The following STK31 variants were observed in gnomAD, a reference collection of about 807,000 sequenced individuals.
STK31 encodes serine/threonine kinase 31.
STK31 carries 89 observed loss-of-function variants against 129.7 expected under a neutral mutation model. The ratio of observed to expected loss-of-function variants is 0.69; its 90% CI spans 0.58 to 0.82. The LOEUF is 0.82. Among genes scored for constraint, STK31 ranks in the 40% least tolerant of loss-of-function variants. The pLI is 0.00. For synonymous variants in STK31, 448 were observed against 395.3 expected, an observed-to-expected ratio of 1.13 and a Z score of -1.58; for missense variants, 1,187 against 1,176.4, an observed-to-expected ratio of 1.01 and a Z score of -0.13.
In STK31 at chr7:23,727,313, A is replaced by C. The variant is rs1396966103; in HGVS notation, c.322A>C (p.Lys108Gln). The change falls in exon 5 of 24, where the codon AAG becomes CAG. Residue 108 changes from lysine to glutamine, a missense_variant and splice_region_variant. Physicochemically the swap from Lys to Gln is moderately conservative, Grantham distance 53. Coordinates refer to ENST00000355870, the MANE Select transcript of STK31 (RefSeq NM_031414.5). ...AGTACTGAAAATCATCAGCGTTGAAAAGGCAGGAAATTAAGTGTTCAGTTT... is the reference window on the plus strand; with the variant it reads ...AGTACTGAAAATCATCAGCGTTGAACAGGCAGGAAATTAAGTGTTCAGTTT... Reference protein sequence around the residue: ...CKVLKIISVEKCLVRYIDYGN... With the variant: ...CKVLKIISVEQCLVRYIDYGN... 2 of 1,613,466 alleles carry C rather than the reference A, an allele frequency of 1.2e-6. No individual in the cohort carries two copies. Among genetic ancestry groups the C allele is most frequent in the Non-Finnish European group, 1.7e-6 (2 of 1,179,642 alleles).
At chr7:23,818,617 G>C (rs1185595182) in intron 23 of STK31, among the ~76,000 whole-genome samples, 1 of 59,784 alleles carries the variant, frequency 1.7e-5, no homozygotes, top group Non-Finnish European at 3.1e-5. Flanking sequence ...TTTTTGTTTT[G>C]TTAAAAAAAA....
intron 10 of STK31, chr7:23,755,075 A>G (rs1047388227): frequency 6.6e-6 from 1 of 152,202 alleles, no homozygotes; most frequent in Non-Finnish European, 1.5e-5. Flanking sequence ...GAATCGCCAT[A>G]TCGTCTTCCA....
chr7:23,819,067 A>G (rs1194655066), intron 23 of STK31, among the ~76,000 whole-genome samples: 1 of 152,200 alleles, frequency 6.6e-6, no homozygotes, highest in Non-Finnish European at 1.5e-5. Context: ...AACTTAGGGA[A>G]AATTGTCCCA....
At chr7:23,763,111 T>C (rs1383482935) in intron 11 of STK31, among the ~76,000 whole-genome samples, 188 bp downstream of exon 11, 2 of 152,218 alleles carry the variant, frequency 1.3e-5, no homozygotes, top group Non-Finnish European at 2.9e-5. Flanking sequence ...TATGTTTATA[T>C]GCATATCTAT....
chr7:23,736,185 A>G (rs1013459036), intron 7 of STK31, among the ~76,000 whole-genome samples: 9 of 152,240 alleles, frequency 5.9e-5, no homozygotes, highest in Admixed American at 2.6e-4. Flanking sequence ...ATCTGCTCCT[A>G]AATCTGAATT....
rs1788787942 is a variant in STK31 at position 23,752,697 on chromosome 7, G to A, written c.1018-20G>A. 6.4e-7 allele frequency: 1 copy of A among 1,552,870 alleles called. No homozygotes were observed. Among genetic ancestry groups the A allele is most frequent in the African/African-American group, 1.4e-5 (1 of 73,620 alleles). ...TTTCCTATTTGGGTCTCACGAGAAT[G>A]TGTTTATTCTTTGTTTCAGCAAGAG... On this transcript the variant is annotated intron_variant, in intron 8 of 23. Coordinates refer to ENST00000355870, the MANE Select transcript of STK31 (RefSeq NM_031414.5).
intron 23 of STK31, among the ~76,000 whole-genome samples, chr7:23,826,056 G>C (rs1361397240): frequency 6.6e-6 from 1 of 152,136 alleles, no homozygotes; most frequent in Non-Finnish European, 1.5e-5. Flanking sequence ...GTGTGGTGCT[G>C]AAAAGAATGT....
chr7:23,821,922 G>A (rs1793806283), intron 23 of STK31, among the ~76,000 whole-genome samples: 1 of 152,008 alleles, frequency 6.6e-6, no homozygotes, highest in Non-Finnish European at 1.5e-5. Context: ...CTTTTCCCCA[G>A]TATATGTTCT....
intron 4 of STK31, among the ~76,000 whole-genome samples, chr7:23,723,206 T>C (rs1219148816): frequency 6.6e-6 from 1 of 152,170 alleles, no homozygotes; most frequent in Non-Finnish European, 1.5e-5. Flanking sequence ...GGAACCTCTC[T>C]CTCCTCTTTT....
chr7:23,733,640 C>T (rs1260807633), intron 6 of STK31, among the ~76,000 whole-genome samples: 2 of 151,938 alleles, frequency 1.3e-5, no homozygotes, highest in South Asian at 2.1e-4. Context: ...AACCCCATCT[C>T]TACTACAAAA....
rs147862942 is a variant in STK31, at chr7:23,825,388, A to T, written c.2830-6748A>T. Among the ~76,000 whole-genome samples, 510 of 152,282 alleles carry T rather than the reference A, an allele frequency of 3.3e-3. 6 individuals are homozygous for T. The highest frequency in any genetic ancestry group is 0.012 in the African/African-American group (486 of 41,550). On this transcript the variant is annotated intron_variant, in intron 23 of 23. Transcript: ENST00000355870. ...TAGATTTTCTAGTTTATTTGCGTAG[A>T]GGTGTTTATAGTATTCTCTGATGGT...
intron 15 of STK31, among the ~76,000 whole-genome samples, chr7:23,773,704 G>A (rs1442645827): frequency 6.7e-6 from 1 of 150,126 alleles, no homozygotes; most frequent in Admixed American, 6.7e-5. Context: ...TCCAGCATCT[G>A]TGGTTTCCTG....
intron 22 of STK31, chr7:23,791,400 C>T: frequency 1.5e-6 from 1 of 652,598 alleles, no homozygotes; most frequent in Non-Finnish European, 1.9e-6. Context: ...CATGTTCTCA[C>T]TTATAAGTGG....
chr7:23,809,365 T>C (rs1792939036), intron 22 of STK31, among the ~76,000 whole-genome samples: 1 of 152,104 alleles, frequency 6.6e-6, no homozygotes, highest in Admixed American at 6.6e-5. Flanking sequence ...TTTCATCAAT[T>C]CTCCACTTAA....
chr7:23,744,904 G>A lies in STK31; in HGVS notation c.1018-7813G>A, dbSNP rs1055894677. On this transcript the variant is annotated intron_variant, in intron 8 of 23. Transcript: ENST00000355870. ...GCTGGCACTACTGTTAGAAAGCCCA[G>A]GTTGGCCAGTGCTTGGGTTTCCAGG... 1.6e-4 allele frequency among the ~76,000 whole-genome samples: 24 copies of A among 152,226 alleles called. 1 individual carries two copies. The highest frequency in any genetic ancestry group is 4.4e-5 in the Non-Finnish European group (3 of 68,046).
At chr7:23,791,062 T>A in intron 22 of STK31, 116 bp downstream of exon 22, 1 of 1,066,506 alleles carries the variant, frequency 9.4e-7, no homozygotes, top group Non-Finnish European at 1.2e-6. Flanking sequence ...AGTAGAACTT[T>A]AAGTTTTAAC....
At chr7:23,802,924 CTT>C (rs1478899999) in intron 22 of STK31, among the ~76,000 whole-genome samples, 2 of 152,192 alleles carry the variant, frequency 1.3e-5, no homozygotes, top group Admixed American at 6.5e-5. Context: ...GAATTGACAT[CTT>C]TACTACATTG....
In STK31 at chr7:23,790,877, T is replaced by C. The variant is rs748366555; in HGVS notation, c.2691T>C (p.Pro897=). 6.2e-7 allele frequency: 1 copy of C among 1,609,498 alleles called. No individual in the cohort carries two copies. Among genetic ancestry groups the C allele is most frequent in the Non-Finnish European group, 8.5e-7 (1 of 1,178,242 alleles). Residue 897 remains proline (P), a synonymous_variant, in exon 22 of 24, where the codon CCT becomes CCC. Coordinates refer to ENST00000355870, the MANE Select transcript of STK31 (RefSeq NM_031414.5). The stretch of plus-strand genomic sequence containing the variant: ...TTGGTGACTTGAGTTTGATGTCACC[T>C]GAGTTGAAAATGGGAAAACCTGCTT... The part of the protein sequence containing the change: ...MMVGDLSLMS[P]ELKMGKPASP...
intron 8 of STK31, among the ~76,000 whole-genome samples, chr7:23,738,138 C>T (rs1197112957): frequency 1.3e-5 from 2 of 152,146 alleles, no homozygotes; most frequent in African/African-American, 4.8e-5. Context: ...CCATGACCCT[C>T]CCTCAGGTTA....
Sources: gnomAD v4.1 joint callset for allele counts (sites outside exome capture counted in the v4.1 genomes callset) on GRCh38, gnomAD v4.1.1 for gene constraint, MANE v1.5 for transcripts, NCBI Gene and HGNC (gene_info 2026-07-23, HGNC 2026-07-21) for gene names.